CACNA1D: variants seen among roughly 807,000 people sequenced by gnomAD.
CACNA1D encodes the protein calcium voltage-gated channel subunit alpha1 D, also known as voltage-dependent L-type calcium channel subunit alpha-1D.
In CACNA1D, 55 loss-of-function variants were observed where a neutral mutation model predicts 257.1. The observed-to-expected ratio is 0.21, with a 90% confidence interval of 0.17 to 0.27. The LOEUF (loss-of-function observed/expected upper bound fraction) is 0.27, where lower values mean the gene tolerates loss of function less well. Ranked by LOEUF, CACNA1D falls within the 10% of genes least tolerant of loss-of-function variation. The pLI is 1.00. For synonymous variants in CACNA1D, 980 were observed against 1,014.9 expected (o/e 0.97, Z 0.65); for missense variants, 1,876 against 2,784.0 (o/e 0.67, Z 7.34).
intron 40 of CACNA1D, chr3:53,791,133 C>G: frequency 1.5e-6 from 1 of 684,384 alleles, no homozygotes; most frequent in South Asian, 1.6e-5. Context: ...CAGGAAAAAG[C>G]AGACCCAAGG....
intron 3 of CACNA1D, among the ~76,000 whole-genome samples, chr3:53,642,817 C>G (rs150739945): frequency 6.6e-6 from 1 of 152,350 alleles, no homozygotes; most frequent in East Asian, 1.9e-4. Context: ...CGTGGGATCT[C>G]AGGAGAAACC....
At chr3:53,570,658 A>G (rs1001848543) in intron 3 of CACNA1D, among the ~76,000 whole-genome samples, 3 of 152,260 alleles carry the variant, frequency 2.0e-5, no homozygotes, top group Admixed American at 2.0e-4. Flanking sequence ...ACATGCAAAC[A>G]TACACATCCG....
chr3:53,568,624 C>T (rs946438005), intron 3 of CACNA1D, among the ~76,000 whole-genome samples: 7 of 152,188 alleles, frequency 4.6e-5, no homozygotes, highest in Admixed American at 1.3e-4. Flanking sequence ...TGTTGAAGTC[C>T]ATGGCAGTGC....
intron 3 of CACNA1D, among the ~76,000 whole-genome samples, chr3:53,632,200 C>T (rs766008716): frequency 6.6e-6 from 1 of 152,210 alleles, no homozygotes; most frequent in East Asian, 1.9e-4. Context: ...GATCTTAGAT[C>T]GTCTGGAGAA....
intron 8 of CACNA1D, among the ~76,000 whole-genome samples, chr3:53,700,053 C>T (rs2108574886): frequency 6.8e-6 from 1 of 147,818 alleles, no homozygotes; most frequent in Admixed American, 6.7e-5. Context: ...TGTAATTATA[C>T]ATTATAAAAT....
At chr3:53,809,034 C>T (rs534203734) in intron 46 of CACNA1D, 21 of 494,424 alleles carry the variant, frequency 4.2e-5, no homozygotes, top group Admixed American at 1.0e-4. Context: ...TGCCTCCCTG[C>T]GATCCCCACC....
intron 30 of CACNA1D, among the ~76,000 whole-genome samples, chr3:53,767,812 C>A (rs1011884735): frequency 3.9e-5 from 6 of 152,122 alleles, no homozygotes; most frequent in African/African-American, 1.4e-4. Flanking sequence ...TTGCACTGTC[C>A]CCCCGGGGCT....
intron 40 of CACNA1D, among the ~76,000 whole-genome samples, chr3:53,787,707 G>A (rs1448773816): frequency 1.3e-5 from 2 of 152,078 alleles, no homozygotes; most frequent in South Asian, 2.1e-4. Flanking sequence ...CAGGTATGTG[G>A]AGGGGCAAGG....
chr3:53,658,160 C>T (rs1020092480), intron 4 of CACNA1D, among the ~76,000 whole-genome samples: 2 of 151,112 alleles, frequency 1.3e-5, no homozygotes, highest in African/African-American at 4.9e-5. Flanking sequence ...ACTCCTTTCT[C>T]ATCCTGTCCT....
At chr3:53,585,733 A>G (rs766398390) in intron 3 of CACNA1D, among the ~76,000 whole-genome samples, 7 of 152,040 alleles carry the variant, frequency 4.6e-5, no homozygotes, top group South Asian at 2.1e-4. Flanking sequence ...GGGAGGGGCT[A>G]TTGGGAGGGG....
At chr3:53,582,962 G>A (rs933223977) in intron 3 of CACNA1D, among the ~76,000 whole-genome samples, 3 of 152,022 alleles carry the variant, frequency 2.0e-5, no homozygotes, top group Non-Finnish European at 4.4e-5. Context: ...GAAGAGGGTC[G>A]GCATGTGGAT....
intron 20 of CACNA1D, 132 bp from the exon 21 acceptor site, chr3:53,740,148 T>C (rs566279079): frequency 1.4e-5 from 11 of 779,254 alleles, no homozygotes; most frequent in Non-Finnish European, 2.6e-5. Flanking sequence ...GGCTCTGCAC[T>C]TACCTTCAGA....
chr3:53,673,171 G>C lies in CACNA1D; in HGVS notation c.1220+45G>C. ...TCTTGAAAGCAGAGTCCTGAGGACA[G>C]TTGCCAAGACCACACAAGCTTTGCT... On this transcript the variant is annotated intron_variant, in intron 8 of 47. Transcript: ENST00000350061. The surrounding 1 kb of genome is among the most constrained non-coding windows in gnomAD (Gnocchi z 4.1). 2.2e-6 allele frequency: 3 copies of C among 1,343,754 alleles called. No homozygotes were observed. Among genetic ancestry groups the C allele is most frequent in the Non-Finnish European group, 3.1e-6 (3 of 958,610 alleles). The allele number at this position is 1,343,754 out of a possible 1,614,324, so 83.2% of individuals were successfully genotyped here.
chr3:53,559,499 G>T (rs1327939365), intron 3 of CACNA1D, among the ~76,000 whole-genome samples: 1 of 152,162 alleles, frequency 6.6e-6, no homozygotes, highest in Admixed American at 6.5e-5. Flanking sequence ...TGCAAATTCT[G>T]ACCTGACTTC....
At chr3:53,554,002 C>T (rs1265854453) in intron 3 of CACNA1D, among the ~76,000 whole-genome samples, 1 of 151,886 alleles carries the variant, frequency 6.6e-6, no homozygotes, top group Non-Finnish European at 1.5e-5. Flanking sequence ...GGAGACCATC[C>T]TGGCTAACAC....
At chr3:53,607,595 A>T (rs185172907) in intron 3 of CACNA1D, among the ~76,000 whole-genome samples, 2 of 152,350 alleles carry the variant, frequency 1.3e-5, no homozygotes, top group East Asian at 3.9e-4. Context: ...TTATGTAACT[A>T]AATTCTGCCA....
intron 3 of CACNA1D, among the ~76,000 whole-genome samples, chr3:53,643,632 C>T (rs908186377): frequency 3.3e-5 from 5 of 152,166 alleles, no homozygotes; most frequent in Admixed American, 1.3e-4. Flanking sequence ...AGGTCATAGA[C>T]AATTGTTGTT....
intron 3 of CACNA1D, among the ~76,000 whole-genome samples, chr3:53,574,044 T>G (rs554133111): frequency 6.6e-6 from 1 of 152,300 alleles, no homozygotes; most frequent in African/African-American, 2.4e-5. Context: ...GGGGGTCCTT[T>G]CCATTGCACT....
rs117308287 is a variant in CACNA1D at position 53,700,687 on chromosome 3, G to A, written c.1221-1954G>A. On this transcript the variant is annotated intron_variant, in intron 8 of 47. Coordinates refer to ENST00000350061, the MANE Select transcript of CACNA1D (RefSeq NM_001128840.3). Reference sequence around the variant, plus strand: ...CAGAGCACGTGTCTGGGCTCAGATCGGCTCCTGCTCACTCTCTAGATCCAC... The same window carrying A: ...CAGAGCACGTGTCTGGGCTCAGATCAGCTCCTGCTCACTCTCTAGATCCAC... 1.9e-3 allele frequency among the ~76,000 whole-genome samples: 295 copies of A among 152,112 alleles called. 4 individuals carry two copies. In the East Asian group the frequency reaches 0.04, roughly 21 times the overall value.
Sources: gnomAD v4.1 joint callset for allele counts (sites outside exome capture counted in the v4.1 genomes callset) on GRCh38, gnomAD v4.1.1 for gene constraint, Gnocchi (gnomAD v3.1) non-coding constraint, MANE v1.5 for transcripts, NCBI Gene and HGNC (gene_info 2026-07-23, HGNC 2026-07-21) for gene names.